Variants in MSRA observed in about 807,000 individuals in gnomAD.
MSRA encodes the protein mitochondrial peptide methionine sulfoxide reductase.
MSRA carries 54 observed loss-of-function variants against 31.3 expected under a neutral mutation model. The ratio of observed to expected loss-of-function variants is 1.73; its 90% CI spans 1.39 to 2.17. MSRA has a LOEUF of 2.17. Among genes scored for constraint, MSRA ranks in the 30% most tolerant of loss-of-function variants. MSRA has a pLI of 0.00. For missense variants in MSRA, 507 were observed against 300.9 expected, an observed-to-expected ratio of 1.69 and a Z score of -5.07; for synonymous variants, 169 against 116.5, an observed-to-expected ratio of 1.45 and a Z score of -2.90.
At chr8:10,188,841 T>A (rs1208742966) in intron 1 of MSRA, among the ~76,000 whole-genome samples, 1 of 152,202 alleles carries the variant, frequency 6.6e-6, no homozygotes, top group African/African-American at 2.4e-5. Flanking sequence ...CCAAATTGTT[T>A]TTGCTATTTT....
rs533014230 is a variant in MSRA at position 10,130,052 on chromosome 8, A to G, written c.142+75394A>G. Among the ~76,000 whole-genome samples, 121 of 152,288 alleles carry G rather than the reference A, an allele frequency of 7.9e-4. 1 individual carries two copies. The South Asian group carries it at 0.016, about 20-fold the overall frequency. ...CTTGGAAGTAACTGGATAATTGGAG[A>G]CATGGGTGGGATGTTGAAGGGGCAT... is the stretch of plus-strand genomic sequence containing the variant. On this transcript the variant is annotated intron_variant, in intron 1 of 5. Transcript: ENST00000317173.
intron 1 of MSRA, among the ~76,000 whole-genome samples, chr8:10,105,661 C>T (rs1010580083): frequency 6.6e-6 from 1 of 152,142 alleles, no homozygotes; most frequent in East Asian, 1.9e-4. Context: ...TGAATAATCT[C>T]GGTGCAATAA....
At chr8:10,349,320 A>T (rs960745530) in intron 5 of MSRA, among the ~76,000 whole-genome samples, 1 of 152,102 alleles carries the variant, frequency 6.6e-6, no homozygotes, top group Non-Finnish European at 1.5e-5. Context: ...AATGCAGTGA[A>T]CTGGGTTTCT....
At chr8:10,351,707 G>A (rs2129158795) in intron 5 of MSRA, among the ~76,000 whole-genome samples, 1 of 152,302 alleles carries the variant, frequency 6.6e-6, no homozygotes, top group Non-Finnish European at 1.5e-5. Context: ...CTTGTGGTGT[G>A]GATTCAAAGA....
At chr8:10,150,293 T>C (rs1255818433) in intron 1 of MSRA, among the ~76,000 whole-genome samples, 1 of 152,156 alleles carries the variant, frequency 6.6e-6, no homozygotes, top group African/African-American at 2.4e-5. Context: ...GTGCACCGGC[T>C]CTGAGCAGAG....
In MSRA at chr8:10,075,856, C is replaced by T. The variant is rs814409; in HGVS notation, c.142+21198C>T. Among the ~76,000 whole-genome samples the T allele has an allele frequency of 9.6e-3, 1,465 of 152,260 alleles. 14 individuals are homozygous for T. The highest frequency in any genetic ancestry group is 0.033 in the African/African-American group (1,374 of 41,528). The stretch of plus-strand genomic sequence containing the variant: ...CATGGGTACCACTTTCCTCTCTTTT[C>T]CTAATACCAAGATATGGAGACTCAT... On this transcript the variant is annotated intron_variant, in intron 1 of 5. Coordinates refer to ENST00000317173, the MANE Select transcript of MSRA (RefSeq NM_012331.5).
chr8:10,093,564 A>G (rs1252084310), intron 1 of MSRA, among the ~76,000 whole-genome samples: 3 of 152,206 alleles, frequency 2.0e-5, no homozygotes. Context: ...TGTCATTTAC[A>G]TCAGATAGAA....
intron 3 of MSRA, among the ~76,000 whole-genome samples, chr8:10,288,875 T>A (rs553239240): frequency 3.8e-4 from 58 of 152,222 alleles, no homozygotes; most frequent in African/African-American, 1.3e-3. Context: ...GCAGAATGAA[T>A]AGGCAATTTT....
At chr8:10,092,249 A>T (rs528909606) in intron 1 of MSRA, among the ~76,000 whole-genome samples, 3 of 152,020 alleles carry the variant, frequency 2.0e-5, no homozygotes, top group Admixed American at 2.0e-4. Context: ...ATTGAGTTCT[A>T]CTTTTATTCC....
intron 1 of MSRA, among the ~76,000 whole-genome samples, chr8:10,095,164 AC>A (rs1463251258): frequency 6.6e-6 from 1 of 152,254 alleles, no homozygotes; most frequent in Non-Finnish European, 1.5e-5. Context: ...AAAAAGAAAT[AC>A]AGTATGTGGT....
chr8:10,220,845 A>G (rs901360653), intron 2 of MSRA, among the ~76,000 whole-genome samples: 1 of 152,210 alleles, frequency 6.6e-6, no homozygotes, highest in African/African-American at 2.4e-5. Context: ...GTTTTGATTC[A>G]TCTTACAAGG....
At chr8:10,409,750 A>G (rs576683396) in intron 5 of MSRA, among the ~76,000 whole-genome samples, 10 of 152,328 alleles carry the variant, frequency 6.6e-5, no homozygotes, top group East Asian at 1.9e-4. Context: ...GGTTGATTTA[A>G]TAGACTCAAT....
chr8:10,114,939 TTG>T (rs1563111795), intron 1 of MSRA, among the ~76,000 whole-genome samples: 1 of 152,126 alleles, frequency 6.6e-6, no homozygotes, highest in Non-Finnish European at 1.5e-5. Flanking sequence ...CAAGATATAT[TTG>T]GGGGAAAAAC....
chr8:10,324,381 C>G (rs1802240638), intron 5 of MSRA, among the ~76,000 whole-genome samples: 1 of 152,158 alleles, frequency 6.6e-6, no homozygotes. Flanking sequence ...AGTCTGGATC[C>G]CTGGCCCTCT....
At chr8:10,112,746 C>T (rs1800380381) in intron 1 of MSRA, among the ~76,000 whole-genome samples, 2 of 152,284 alleles carry the variant, frequency 1.3e-5, no homozygotes, top group Admixed American at 6.5e-5. Flanking sequence ...AACATGATAG[C>T]CATGGCTTTC....
intron 5 of MSRA, among the ~76,000 whole-genome samples, chr8:10,330,992 T>C (rs1802662257): frequency 6.6e-6 from 1 of 152,164 alleles, no homozygotes; most frequent in Non-Finnish European, 1.5e-5. Flanking sequence ...GGGACTGCTG[T>C]CCTTATACGA....
intron 1 of MSRA, among the ~76,000 whole-genome samples, chr8:10,131,370 A>C (rs550213519): frequency 9.2e-5 from 14 of 152,362 alleles, no homozygotes; most frequent in African/African-American, 3.1e-4. Context: ...AATGGTATTT[A>C]ACTATTTTCA....
At chr8:10,266,344 G>C (rs546826119) in intron 3 of MSRA, among the ~76,000 whole-genome samples, 1 of 152,058 alleles carries the variant, frequency 6.6e-6, no homozygotes, top group Non-Finnish European at 1.5e-5. Context: ...CCTGACGACC[G>C]AATTATATTA....
intron 1 of MSRA, among the ~76,000 whole-genome samples, chr8:10,146,711 TA>T (rs34956088): frequency 1.3e-5 from 2 of 151,244 alleles, no homozygotes; most frequent in African/African-American, 4.9e-5. Context: ...GGTGTTATTT[TA>T]AAAAAAAATA....
Sources: allele counts gnomAD v4.1 joint callset (sites outside exome capture counted in the v4.1 genomes callset), GRCh38; gene constraint gnomAD v4.1.1; transcripts MANE v1.5; gene names NCBI Gene and HGNC (gene_info 2026-07-23, HGNC 2026-07-21).